Variants in PTGER3 observed in about 807,000 individuals in gnomAD.
The protein encoded by PTGER3 is prostaglandin E2 receptor EP3 subtype.
PTGER3 carries 22 observed loss-of-function variants against 34.7 expected under a neutral mutation model. The observed-to-expected ratio is 0.63, with a 90% CI of 0.45 to 0.91. The LOEUF is 0.91. PTGER3 is among the 40% of genes least tolerant of loss of function. The pLI, the probability that PTGER3 is intolerant of heterozygous loss-of-function variation, is 0.00. For synonymous variants in PTGER3, 241 were observed against 230.1 expected, an observed-to-expected ratio of 1.05 and a Z score of -0.43; for missense variants, 468 against 519.4, an observed-to-expected ratio of 0.90 and a Z score of 0.96.
intron 4 of PTGER3, among the ~76,000 whole-genome samples, chr1:70,884,843 A>G (rs1156638543): frequency 6.6e-6 from 1 of 152,212 alleles, no homozygotes; most frequent in Non-Finnish European, 1.5e-5. Context: ...AGAATTTTGC[A>G]TCATTTTCTG....
intron 1 of PTGER3, among the ~76,000 whole-genome samples, chr1:71,029,778 T>C (rs1659240376): frequency 2.0e-5 from 3 of 151,744 alleles, no homozygotes; most frequent in Admixed American, 1.3e-4. Context: ...ATACAAAAAT[T>C]AGCTGGGTGT....
At chr1:71,024,286 A>T (rs914287405) in intron 1 of PTGER3, among the ~76,000 whole-genome samples, 12 of 152,242 alleles carry the variant, frequency 7.9e-5, no homozygotes, top group African/African-American at 2.9e-4. Context: ...ATTCTGACTT[A>T]TTTCGTGCGT....
At chr1:70,895,731 G>T (rs1367080881) in intron 4 of PTGER3, among the ~76,000 whole-genome samples, 1 of 152,176 alleles carries the variant, frequency 6.6e-6, no homozygotes, top group East Asian at 1.9e-4. Flanking sequence ...CATAATTTTA[G>T]GTACAGAAGT....
chr1:70,869,462 C>T, intron 4 of PTGER3: 1 of 300,800 alleles, frequency 3.3e-6, no homozygotes, highest in East Asian at 1.0e-4. Flanking sequence ...ATAGTACCCC[C>T]AAATCTTAAC....
intron 1 of PTGER3, among the ~76,000 whole-genome samples, chr1:71,033,113 G>C (rs891144956): frequency 6.6e-6 from 1 of 152,182 alleles, no homozygotes; most frequent in African/African-American, 2.4e-5. Context: ...TGTAAGCTTA[G>C]AGCAGTCACT....
intron 2 of PTGER3, chr1:71,010,805 T>C (rs1657372605): frequency 1.0e-6 from 1 of 984,968 alleles, no homozygotes; most frequent in Non-Finnish European, 1.2e-6. Flanking sequence ...TCATTTAAAA[T>C]AATTAGCCCC....
chr1:70,937,936 A>C (rs997858213), intron 4 of PTGER3, among the ~76,000 whole-genome samples: 13 of 152,220 alleles, frequency 8.5e-5, no homozygotes, highest in Non-Finnish European at 1.5e-4. Flanking sequence ...CAAATGGGTA[A>C]GAGTTAGTTC....
chr1:70,915,460 G>A (rs1479255073), intron 4 of PTGER3, among the ~76,000 whole-genome samples: 1 of 151,890 alleles, frequency 6.6e-6, no homozygotes, highest in South Asian at 2.1e-4. Context: ...AAGAAGAGAC[G>A]AGGTTGCAAA....
intron 4 of PTGER3, among the ~76,000 whole-genome samples, chr1:70,896,349 G>C (rs547704895): frequency 1.3e-5 from 2 of 152,302 alleles, no homozygotes; most frequent in South Asian, 4.2e-4. Context: ...CACAGAGACA[G>C]ATGTATACAA....
chr1:71,025,546 T>C (rs1443544703), intron 1 of PTGER3, among the ~76,000 whole-genome samples: 1 of 150,932 alleles, frequency 6.6e-6, no homozygotes, highest in Admixed American at 6.7e-5. Flanking sequence ...TTACTGTAAG[T>C]GTTATATATG....
chr1:70,888,138 A>G (rs1646537321), intron 4 of PTGER3, among the ~76,000 whole-genome samples: 1 of 152,212 alleles, frequency 6.6e-6, no homozygotes. Flanking sequence ...AGCAGAGAAC[A>G]GACTCAAAAA....
At chr1:70,940,477 G>A (rs1412658127) in intron 4 of PTGER3, among the ~76,000 whole-genome samples, 2 of 152,116 alleles carry the variant, frequency 1.3e-5, no homozygotes, top group South Asian at 2.1e-4. Context: ...TTTTTATGCT[G>A]CTGATAAAGA....
chr1:71,012,396 A>G lies in PTGER3; in HGVS notation c.986T>C (p.Leu329Ser), dbSNP rs1480528850. The G allele has an allele frequency of 6.2e-7, 1 of 1,613,828 alleles. No homozygotes were observed. Among genetic ancestry groups the G allele is most frequent in the Non-Finnish European group, 8.5e-7 (1 of 1,180,038 alleles). The stretch of plus-strand genomic sequence containing the variant: ...CAGTGAAGCCAGGCGAACAGCTATT[A>G]AGAAGAAGTTGCATTCTTTCTGCTT... ...TEKQKECNFF[L>S]IAVRLASLNQ... is the part of the protein sequence containing the mutation. Residue 329 changes from leucine (L) to serine (S), a missense_variant, in exon 2 of 4, where the codon TTA (leucine) becomes TCA (serine). Physicochemically the swap from Leu to Ser is moderately radical, Grantham distance 145. This residue lies in a region of PTGER3 where 204 missense variants were observed against 230.8 expected (regional missense o/e 0.88). Transcript: ENST00000306666.
intron 2 of PTGER3, chr1:71,011,273 T>C (rs1657419187): frequency 1.0e-6 from 1 of 985,132 alleles, no homozygotes; most frequent in Admixed American, 6.2e-5. Flanking sequence ...GTTATTAACT[T>C]TCTTATATAA....
At chr1:70,922,530 G>A (rs1055027179) in intron 4 of PTGER3, among the ~76,000 whole-genome samples, 1 of 152,040 alleles carries the variant, frequency 6.6e-6, no homozygotes, top group Admixed American at 6.6e-5. Context: ...CCCACTAGCT[G>A]TGCTGGAAAA....
chr1:70,980,051 T>G (rs1654107119), intron 2 of PTGER3, among the ~76,000 whole-genome samples: 3 of 151,630 alleles, frequency 2.0e-5, no homozygotes, highest in Admixed American at 1.3e-4. Context: ...TTGAGGGGAG[T>G]TGAGGTTTCA....
At chr1:71,038,412 G>T (rs1022988824) in intron 1 of PTGER3, among the ~76,000 whole-genome samples, 1 of 152,180 alleles carries the variant, frequency 6.6e-6, no homozygotes, top group Admixed American at 6.5e-5. Context: ...ATCTGGTGGA[G>T]AATTTATCTT....
At chr1:70,928,462 C>T (rs1199376274) in intron 4 of PTGER3, among the ~76,000 whole-genome samples, 2 of 151,620 alleles carry the variant, frequency 1.3e-5, no homozygotes, top group Admixed American at 6.6e-5. Context: ...GTGAGACCCC[C>T]ATCTATACAA....
intron 2 of PTGER3, among the ~76,000 whole-genome samples, chr1:70,979,189 CAG>C (rs1456640619): frequency 1.3e-5 from 2 of 151,916 alleles, no homozygotes; most frequent in Non-Finnish European, 2.9e-5. Context: ...GTGAGTAAAC[CAG>C]AGTCAGCCAC....
Sources: allele counts gnomAD v4.1 joint callset (sites outside exome capture counted in the v4.1 genomes callset), GRCh38; gene constraint gnomAD v4.1.1; regional missense constraint gnomAD v4.1.1; transcripts MANE v1.5; gene names NCBI Gene and HGNC (gene_info 2026-07-23, HGNC 2026-07-21).